The following TNKS variants were observed in gnomAD, a reference collection of about 807,000 sequenced individuals.
The protein encoded by TNKS is poly [ADP-ribose] polymerase tankyrase-1.
In TNKS, 72 loss-of-function variants were observed where a neutral mutation model predicts 135.8. The ratio of observed to expected loss-of-function variants is 0.53; its 90% CI spans 0.44 to 0.64. The LOEUF is 0.64. Among genes scored for constraint, TNKS ranks in the 30% least tolerant of loss-of-function variants. The pLI is 0.00. For missense variants in TNKS, 1,769 were observed against 1,674.0 expected (o/e 1.06, Z -0.99); for synonymous variants, 849 against 649.3 (o/e 1.31, Z -4.68).
chr8:9,728,719 A>G (rs1380323618), intron 13 of TNKS, among the ~76,000 whole-genome samples: 2 of 152,154 alleles, frequency 1.3e-5, no homozygotes, highest in African/African-American at 4.8e-5. Context: ...TAATATAGCC[A>G]CAGACTCATT....
intron 11 of TNKS, among the ~76,000 whole-genome samples, chr8:9,717,102 T>TATATATATATATATATTTA (rs60792807): frequency 7.3e-5 from 9 of 122,904 alleles, no homozygotes; most frequent in Non-Finnish European, 1.5e-4. Context: ...TATATATATA[T>TATATATATATATATATTTA]TTTCAGGGAA....
chr8:9,777,021 A>G lies in TNKS; in HGVS notation c.*285A>G. The stretch of plus-strand genomic sequence containing the variant: ...TTCTAAAACAAGATTGCTTCGATCT[A>G]GACTTGGAAATGGAAAATAAGAAAA... On this transcript the variant is annotated 3_prime_UTR_variant, in exon 27 of 27. Coordinates refer to ENST00000310430, the MANE Select transcript of TNKS (RefSeq NM_003747.3). 5.3e-6 allele frequency: 2 copies of G among 375,338 alleles called. No individual in the cohort carries two copies. The highest frequency in any genetic ancestry group is 9.0e-5 in the South Asian group (2 of 22,182). The allele number at this position is 375,338 out of a possible 1,614,324, so 23.3% of individuals were successfully genotyped here. A position where few individuals can be genotyped will look rare whatever the true frequency, so the allele number is the denominator to read the frequency against.
At chr8:9,759,272 A>C (rs1807015875) in intron 20 of TNKS, among the ~76,000 whole-genome samples, 1 of 152,202 alleles carries the variant, frequency 6.6e-6, no homozygotes, top group Non-Finnish European at 1.5e-5. Context: ...CCAAAGCGTG[A>C]GCGCCCAAGA....
chr8:9,579,722 G>C (rs551535677), intron 1 of TNKS, among the ~76,000 whole-genome samples: 40 of 152,248 alleles, frequency 2.6e-4, no homozygotes, highest in South Asian at 4.1e-4. Context: ...GCCCACCTCG[G>C]CCTCACACAG....
intron 3 of TNKS, among the ~76,000 whole-genome samples, chr8:9,627,469 T>C (rs757717278): frequency 1.3e-5 from 2 of 152,134 alleles, no homozygotes; most frequent in Non-Finnish European, 2.9e-5. Context: ...CCTCAACTTG[T>C]GGCATCTAAT....
chr8:9,657,718 A>G (rs1341327393), intron 3 of TNKS, among the ~76,000 whole-genome samples: 1 of 96,948 alleles, frequency 1.0e-5, no homozygotes, highest in Non-Finnish European at 2.1e-5. Flanking sequence ...ACTTCCCAGT[A>G]GGGGCGGCCG....
At chr8:9,645,011 G>A (rs1234793471) in intron 3 of TNKS, among the ~76,000 whole-genome samples, 1 of 152,120 alleles carries the variant, frequency 6.6e-6, no homozygotes, top group Non-Finnish European at 1.5e-5. Flanking sequence ...TCATGGGTTT[G>A]GTGTATTAAA....
chr8:9,589,338 C>G (rs1357820621), intron 2 of TNKS, among the ~76,000 whole-genome samples: 2 of 152,174 alleles, frequency 1.3e-5, no homozygotes, highest in Non-Finnish European at 2.9e-5. Context: ...CTAGAGGTCT[C>G]TTGTAAAGCA....
At chr8:9,618,569 C>T (rs994794657) in intron 3 of TNKS, among the ~76,000 whole-genome samples, 7 of 152,186 alleles carry the variant, frequency 4.6e-5, no homozygotes, top group African/African-American at 7.2e-5. Context: ...TTAGATTTTT[C>T]GTTTGTTCAT....
chr8:9,633,630 C>A lies in TNKS; in HGVS notation c.994+17953C>A, dbSNP rs541734636. Among the ~76,000 whole-genome samples the A allele has an allele frequency of 5.9e-5, 9 of 152,280 alleles. No homozygotes were observed. In the East Asian group the frequency reaches 1.7e-3, roughly 29 times the overall value. On this transcript the variant is annotated intron_variant, in intron 3 of 26. Transcript: ENST00000310430. Reference sequence around the variant, plus strand: ...AGCATATGGCAGAGCTGATGATAAGCCATTTTCAAGATGGTCATAAAAACT... The same window carrying A: ...AGCATATGGCAGAGCTGATGATAAGACATTTTCAAGATGGTCATAAAAACT...
At chr8:9,705,608 T>G (rs79079730) in intron 6 of TNKS, among the ~76,000 whole-genome samples, 3,482 of 152,340 alleles carry the variant, frequency 0.023, 100 homozygotes, top group South Asian at 0.15. Context: ...CACCAGGTTT[T>G]GTGCCATATG....
intron 1 of TNKS, among the ~76,000 whole-genome samples, chr8:9,567,649 T>C (rs564379032): frequency 1.2e-4 from 19 of 152,228 alleles, no homozygotes; most frequent in South Asian, 6.2e-4. Flanking sequence ...GTTCTCCTGA[T>C]CTTGTGATCT....
chr8:9,710,514 A>T, intron 11 of TNKS: 1 of 511,742 alleles, frequency 2.0e-6, no homozygotes, highest in Non-Finnish European at 3.4e-6. Context: ...TACTATACGG[A>T]TATATTTTGA....
intron 3 of TNKS, among the ~76,000 whole-genome samples, chr8:9,669,226 G>T (rs1585305630): frequency 6.6e-6 from 1 of 151,362 alleles, no homozygotes; most frequent in Non-Finnish European, 1.5e-5. Flanking sequence ...AGACCATCCT[G>T]GCTAACAAGG....
chr8:9,575,179 C>G, intron 1 of TNKS: 1 of 665,522 alleles, frequency 1.5e-6, no homozygotes, highest in Non-Finnish European at 1.9e-6. Flanking sequence ...CTCCGCCTCC[C>G]GGGTTCACGC....
At chr8:9,696,594 T>C (rs1050098142) in intron 5 of TNKS, among the ~76,000 whole-genome samples, 3 of 152,190 alleles carry the variant, frequency 2.0e-5, no homozygotes, top group Non-Finnish European at 4.4e-5. Flanking sequence ...TAAACGATTT[T>C]AGCAAGGTTT....
chr8:9,710,245 G>T, intron 11 of TNKS, 25 bp downstream of exon 11: 2 of 1,610,694 alleles, frequency 1.2e-6, no homozygotes, highest in African/African-American at 2.7e-5. Flanking sequence ...TGAGCAGAGT[G>T]CCAGACTCAG....
intron 5 of TNKS, among the ~76,000 whole-genome samples, chr8:9,700,287 C>G (rs1803732563): frequency 6.6e-6 from 1 of 152,080 alleles, no homozygotes; most frequent in Admixed American, 6.5e-5. Flanking sequence ...ATATGCATTT[C>G]CTTTAGAGAA....
chr8:9,689,522 G>A (rs1343386526), intron 5 of TNKS, among the ~76,000 whole-genome samples: 1 of 152,036 alleles, frequency 6.6e-6, no homozygotes, highest in Non-Finnish European at 1.5e-5. Context: ...TTTGTTAATA[G>A]TAACATAATA....
Sources: gnomAD v4.1 joint callset for allele counts (sites outside exome capture counted in the v4.1 genomes callset) on GRCh38, gnomAD v4.1.1 for gene constraint, MANE v1.5 for transcripts, NCBI Gene and HGNC (gene_info 2026-07-23, HGNC 2026-07-21) for gene names.